Variants in LYST observed in about 807,000 individuals in gnomAD.
LYST encodes the protein lysosomal trafficking regulator.
In LYST, 192 loss-of-function variants were observed where a neutral mutation model predicts 413.6. The ratio of observed to expected loss-of-function variants is 0.46; its 90% CI spans 0.41 to 0.52. The LOEUF is 0.52. Ranked by LOEUF, LYST falls within the 20% of genes least tolerant of loss-of-function variation. LYST has a pLI of 0.00. For missense variants in LYST, 3,815 were observed against 4,499.9 expected (o/e 0.85, Z 4.35); for synonymous variants, 1,525 against 1,567.3 (o/e 0.97, Z 0.64).
intron 43 of LYST, among the ~76,000 whole-genome samples, chr1:235,710,867 C>T (rs1022728722): frequency 5.6e-4 from 85 of 152,184 alleles, no homozygotes; most frequent in African/African-American, 2.0e-3. Flanking sequence ...GGCTGCCGTG[C>T]TGTGGGGAAG....
intron 40 of LYST, among the ~76,000 whole-genome samples, chr1:235,718,406 G>C (rs1663043104): frequency 6.7e-6 from 1 of 149,586 alleles, no homozygotes; most frequent in Non-Finnish European, 1.5e-5. Context: ...ACCCAAACAT[G>C]ATCTCAGCTC....
chr1:235,791,624 C>A, intron 12 of LYST, 75 bp downstream of exon 12: 1 of 1,265,400 alleles, frequency 7.9e-7, no homozygotes, highest in South Asian at 1.2e-5. Context: ...AACACTACCA[C>A]ATTTTTACGG....
chr1:235,752,452 A>G (rs549785072), intron 26 of LYST, among the ~76,000 whole-genome samples: 24 of 152,282 alleles, frequency 1.6e-4, no homozygotes, highest in African/African-American at 5.8e-4. Flanking sequence ...AAATGGTTGT[A>G]AGTGTAACAC....
At chr1:235,788,591 CT>C in intron 13 of LYST, 109 bp downstream of exon 13, 2 of 980,530 alleles carry the variant, frequency 2.0e-6, no homozygotes, top group Non-Finnish European at 1.6e-6. Flanking sequence ...TTAAATGAGA[CT>C]TTTTGTTTTG....
intron 45 of LYST, among the ~76,000 whole-genome samples, chr1:235,698,830 G>A (rs1459092344): frequency 6.6e-6 from 1 of 152,002 alleles, no homozygotes; most frequent in Non-Finnish European, 1.5e-5. Flanking sequence ...CCGAGATCAC[G>A]CCACTGCACT....
At chr1:235,798,153 A>G (rs1392847278) in intron 10 of LYST, among the ~76,000 whole-genome samples, 1 of 152,176 alleles carries the variant, frequency 6.6e-6, no homozygotes, top group Non-Finnish European at 1.5e-5. Context: ...AGGCTAACAA[A>G]AACAAGGAAA....
chr1:235,838,440 G>A (rs144045821), intron 1 of LYST, among the ~76,000 whole-genome samples: 7 of 152,290 alleles, frequency 4.6e-5, no homozygotes. Flanking sequence ...GACTCTATAG[G>A]TAGAAACTGG....
chr1:235,853,979 G>A (rs931526489), intron 1 of LYST, among the ~76,000 whole-genome samples: 19 of 151,904 alleles, frequency 1.3e-4, no homozygotes, highest in Admixed American at 1.2e-3. Context: ...AGAGAGAGAC[G>A]GCATTTAAAG....
rs555541661 is a variant in LYST, at chr1:235,680,683, C to T, written c.10801-3064G>A. On this transcript the variant is annotated intron_variant, in intron 48 of 52. Coordinates refer to ENST00000389793, the MANE Select transcript of LYST (RefSeq NM_000081.4). Reference sequence around the variant, plus strand: ...GCGCAACCTTGGCCCACTGCAACCTCCACCTCCTGGGTTCAAGTGATTCTC... The same window carrying T: ...GCGCAACCTTGGCCCACTGCAACCTTCACCTCCTGGGTTCAAGTGATTCTC... Among the ~76,000 whole-genome samples, 48 of 152,172 alleles carry T rather than the reference C, an allele frequency of 3.2e-4. No homozygotes were observed. In the South Asian group the frequency reaches 9.8e-3, roughly 31 times the overall value.
At position 235,759,345 on chromosome 1, in the gene LYST, A is replaced by C. The variant is rs1484449053; in HGVS notation, c.6508T>G (p.Ser2170Ala). The change falls in exon 23 of 53, where the codon TCT (serine) becomes GCT (alanine). Residue 2170 changes from serine to alanine, a missense_variant. This residue lies in a region of LYST where 771 missense variants were observed against 837.1 expected (regional missense o/e 0.92). Coordinates refer to ENST00000389793, the MANE Select transcript of LYST (RefSeq NM_000081.4). ...TCCATTTCACAAACAGTTTTTGCAG[A>C]CTCACAGCTACTGATGAATGCGTCC... ...KEDAFISSCESAKTVCEMEAV... is the reference protein window; with the variant it reads ...KEDAFISSCEAAKTVCEMEAV... The C allele has an allele frequency of 6.2e-7, 1 of 1,614,088 alleles. No individual in the cohort carries two copies. The highest frequency in any genetic ancestry group is 1.7e-5 in the Admixed American group (1 of 59,998).
intron 47 of LYST, among the ~76,000 whole-genome samples, chr1:235,688,268 C>T (rs573670467): frequency 2.7e-4 from 41 of 152,260 alleles, no homozygotes; most frequent in East Asian, 1.9e-4. Context: ...AAACATTTAG[C>T]GATTTCATCA....
intron 47 of LYST, among the ~76,000 whole-genome samples, chr1:235,690,085 A>G (rs1054001737): frequency 2.0e-5 from 3 of 152,190 alleles, no homozygotes; most frequent in African/African-American, 7.2e-5. Context: ...TTGAAAGCTT[A>G]TGTTATATCT....
chr1:235,733,645 C>T lies in LYST; in HGVS notation c.8659G>A (p.Ala2887Thr). ...GACACTGCCTGGGTGATATCTGCAG[C>T]TATTTTAGATATATCCTTTGATTTT... is the stretch of plus-strand genomic sequence containing the variant. ...DSKSKDISKI[A>T]ADITQAVSLS... is the part of the protein sequence containing the mutation. Residue 2887 changes from alanine (A) to threonine (T), a missense_variant, in exon 34 of 53, where the codon GCT becomes ACT. Around this residue, in one of 4 missense-constraint regions of LYST, gnomAD observed 866 missense variants for 1,156.0 expected, o/e 0.75. Transcript: ENST00000389793. The T allele has an allele frequency of 1.2e-6, 2 of 1,613,604 alleles. No homozygotes were observed. Among genetic ancestry groups the T allele is most frequent in the Non-Finnish European group, 1.7e-6 (2 of 1,179,700 alleles).
At chr1:235,869,032 A>G (rs527743905), upstream of LYST, among the ~76,000 whole-genome samples, 18 of 152,194 alleles carry the variant, frequency 1.2e-4, no homozygotes, top group Non-Finnish European at 2.2e-4. Context: ...TGCAGTATGT[A>G]TTTTATTCAA....
intron 1 of LYST, among the ~76,000 whole-genome samples, chr1:235,859,438 A>C (rs1373931123): frequency 6.6e-6 from 1 of 151,944 alleles, no homozygotes; most frequent in African/African-American, 2.4e-5. Context: ...ATTTGAAAGA[A>C]TATATTTACT....
chr1:235,790,840 G>C (rs1338695531), intron 12 of LYST, among the ~76,000 whole-genome samples: 1 of 152,180 alleles, frequency 6.6e-6, no homozygotes, highest in Non-Finnish European at 1.5e-5. Context: ...TAATGTTGGA[G>C]AATGGCTGAT....
chr1:235,834,357 A>T (rs1676312333), intron 1 of LYST, among the ~76,000 whole-genome samples: 1 of 152,172 alleles, frequency 6.6e-6, no homozygotes, highest in African/African-American at 2.4e-5. Flanking sequence ...AAACATGAAG[A>T]TATTTTGAAT....
intron 36 of LYST, among the ~76,000 whole-genome samples, chr1:235,730,458 T>C (rs1387070035): frequency 6.6e-6 from 1 of 151,968 alleles, no homozygotes; most frequent in African/African-American, 2.4e-5. Flanking sequence ...GCTCTATCTA[T>C]ATTAATAGAT....
Position 235,686,986 on chromosome 1 carries a change from A to G in LYST, c.10763T>C (p.Val3588Ala). The G allele has an allele frequency of 6.2e-7, 1 of 1,614,130 alleles. No homozygotes were observed. The highest frequency in any genetic ancestry group is 8.5e-7 in the Non-Finnish European group (1 of 1,180,010). ...CQLFTGSKCGVITAYTNRFTS... is the reference protein window; with the variant it reads ...CQLFTGSKCGAITAYTNRFTS... ...AAATCTGTTTGTGTAGGCTGTGATGACACCGCATTTGCTTCCAGTAAACAG... is the reference window on the plus strand; with the variant it reads ...AAATCTGTTTGTGTAGGCTGTGATGGCACCGCATTTGCTTCCAGTAAACAG... Residue 3588 changes from valine to alanine, a missense_variant, in exon 48 of 53, where the codon GTC becomes GCC. Coordinates refer to ENST00000389793, the MANE Select transcript of LYST (RefSeq NM_000081.4). This position sits in a 1 kb window ranked among gnomAD's most constrained non-coding sequence, Gnocchi z 4.0.
Sources: gnomAD v4.1 joint callset for allele counts (sites outside exome capture counted in the v4.1 genomes callset) on GRCh38, gnomAD v4.1.1 for gene constraint, gnomAD v4.1.1 regional missense constraint, Gnocchi (gnomAD v3.1) non-coding constraint, MANE v1.5 for transcripts, NCBI Gene and HGNC (gene_info 2026-07-23, HGNC 2026-07-21) for gene names.